SNX10: variants seen among roughly 807,000 people sequenced by gnomAD.
SNX10 encodes sorting nexin-10.
A neutral mutation model predicts 28.5 loss-of-function variants in SNX10; 25 were observed. The ratio of observed to expected loss-of-function variants is 0.88; its 90% CI spans 0.64 to 1.22. SNX10 has a LOEUF of 1.22. Among genes scored for constraint, SNX10 ranks in the 50% most tolerant of loss-of-function variants. The pLI, the probability that SNX10 is intolerant of heterozygous loss-of-function variation, is 0.00. For synonymous variants in SNX10, 62 were observed against 81.4 expected (o/e 0.76, Z 1.28); for missense variants, 223 against 242.6 (o/e 0.92, Z 0.54).
chr7:26,322,220 A>G (rs1364490762), intron 1 of SNX10, among the ~76,000 whole-genome samples: 1 of 152,182 alleles, frequency 6.6e-6, no homozygotes, highest in African/African-American at 2.4e-5. Context: ...GCTGAGTGGT[A>G]CCCAGATTTG....
chr7:26,363,235 C>T (rs1789155383), intron 3 of SNX10, among the ~76,000 whole-genome samples: 1 of 152,160 alleles, frequency 6.6e-6, no homozygotes, highest in Non-Finnish European at 1.5e-5. Flanking sequence ...GGATTTAGAC[C>T]AGTGGCTACC....
intron 1 of SNX10, among the ~76,000 whole-genome samples, chr7:26,338,311 A>G (rs1469920303): frequency 6.6e-6 from 1 of 151,926 alleles, no homozygotes; most frequent in African/African-American, 2.4e-5. Flanking sequence ...GAGGTGGGAT[A>G]GTAACTTCCC....
intron 1 of SNX10, among the ~76,000 whole-genome samples, chr7:26,294,502 C>T (rs748116704): frequency 2.6e-5 from 4 of 152,144 alleles, no homozygotes; most frequent in Non-Finnish European, 4.4e-5. Context: ...GTGACATTAT[C>T]GAGCACTTAA....
At chr7:26,359,061 C>T (rs1788961130) in intron 2 of SNX10, among the ~76,000 whole-genome samples, 1 of 152,088 alleles carries the variant, frequency 6.6e-6, no homozygotes, top group Non-Finnish European at 1.5e-5. Flanking sequence ...CCGCCTCAGC[C>T]TCCCAAAGTG....
chr7:26,302,452 T>C (rs1786408223), intron 1 of SNX10, among the ~76,000 whole-genome samples: 1 of 146,686 alleles, frequency 6.8e-6, no homozygotes, highest in Non-Finnish European at 1.5e-5. Context: ...ACCTCAGCAC[T>C]GTGTTTCCAT....
intron 1 of SNX10, among the ~76,000 whole-genome samples, chr7:26,315,183 A>G (rs1326713462): frequency 2.0e-5 from 3 of 152,372 alleles, no homozygotes; most frequent in Admixed American, 6.5e-5. Flanking sequence ...TTGGGTGCAC[A>G]GAAAACCCTA....
intron 1 of SNX10, among the ~76,000 whole-genome samples, chr7:26,309,222 C>T (rs1227189993): frequency 6.6e-6 from 1 of 152,148 alleles, no homozygotes; most frequent in African/African-American, 2.4e-5. Flanking sequence ...TCCATGAAGC[C>T]TCCCCCTCCA....
intron 5 of SNX10, 22 bp downstream of exon 5, chr7:26,365,167 T>A (rs1425753217): frequency 4.8e-6 from 7 of 1,451,120 alleles, no homozygotes; most frequent in Non-Finnish European, 6.8e-6. Flanking sequence ...GAAACTTTTG[T>A]GGCCAGACAA....
chr7:26,355,183 C>T, intron 2 of SNX10, among the ~76,000 whole-genome samples: 1 of 150,780 alleles, frequency 6.6e-6, no homozygotes. Context: ...TGTTCTCTTT[C>T]ACTGATCTTC....
intron 1 of SNX10, among the ~76,000 whole-genome samples, chr7:26,329,235 A>G (rs1787630462): frequency 1.3e-5 from 2 of 152,022 alleles, no homozygotes; most frequent in Admixed American, 6.5e-5. Flanking sequence ...ACTCCAGCAC[A>G]CTGGTTTCCT....
intron 1 of SNX10, among the ~76,000 whole-genome samples, chr7:26,322,454 A>G (rs1787347254): frequency 6.6e-6 from 1 of 152,238 alleles, no homozygotes; most frequent in Non-Finnish European, 1.5e-5. Context: ...TTCTAGCTAC[A>G]TAAAAAGTCC....
chr7:26,320,579 C>T (rs1260022711), intron 1 of SNX10, among the ~76,000 whole-genome samples: 2 of 151,932 alleles, frequency 1.3e-5, no homozygotes, highest in East Asian at 1.9e-4. Flanking sequence ...ACTACAGGCG[C>T]CCGCCACCAC....
intron 1 of SNX10, among the ~76,000 whole-genome samples, chr7:26,302,304 C>T (rs1332964396): frequency 2.0e-5 from 3 of 152,170 alleles, no homozygotes; most frequent in Non-Finnish European, 4.4e-5. Context: ...CAGAATCTTA[C>T]ACAGCTCTCA....
intron 2 of SNX10, among the ~76,000 whole-genome samples, chr7:26,358,805 G>GGTTTTTTTTT (rs1554360945): frequency 1.2e-4 from 12 of 100,110 alleles, no homozygotes; most frequent in Non-Finnish European, 1.7e-4. Context: ...GTTATCTTGT[G>GGTTTTTTTTT]TTTTTTTTTT....
At position 26,352,988 on chromosome 7, in the gene SNX10, G is replaced by T. The variant is rs555945502; in HGVS notation, c.24+6522G>T. Among the ~76,000 whole-genome samples the T allele has an allele frequency of 3.3e-5, 5 of 149,598 alleles. No homozygotes were observed. The East Asian group carries it at 7.8e-4, about 23-fold the overall frequency. ...ATTATTTCTTACTGCAGAAGAGGAG[G>T]TTTTTTTTTTCTGCACTTTTCCTGA... On this transcript the variant is annotated intron_variant, in intron 2 of 6. Transcript: ENST00000338523.
At chr7:26,293,652 C>T (rs1265752643) in intron 1 of SNX10, among the ~76,000 whole-genome samples, 1 of 152,138 alleles carries the variant, frequency 6.6e-6, no homozygotes, top group East Asian at 1.9e-4. Context: ...ACTGGTCGTC[C>T]TGTTTCTTCT....
chr7:26,342,005 TTTCC>T, intron 1 of SNX10, among the ~76,000 whole-genome samples: 1 of 145,910 alleles, frequency 6.9e-6, no homozygotes, highest in Non-Finnish European at 1.5e-5. Flanking sequence ...TCTTTCTTTC[TTTCC>T]TTCTTTCCTT....
chr7:26,316,844 A>G (rs1045791347), intron 1 of SNX10, among the ~76,000 whole-genome samples: 1 of 152,122 alleles, frequency 6.6e-6, no homozygotes, highest in Non-Finnish European at 1.5e-5. Context: ...CCATTTATTC[A>G]TGCTGTCTGT....
At chr7:26,306,071 A>ATTT (rs35809560) in intron 1 of SNX10, among the ~76,000 whole-genome samples, 22 of 142,240 alleles carry the variant, frequency 1.5e-4, no homozygotes, top group Non-Finnish European at 2.6e-4. Flanking sequence ...AATTTTTTGT[A>ATTT]TTTTTTTTTT....
Sources: allele counts gnomAD v4.1 joint callset (sites outside exome capture counted in the v4.1 genomes callset), GRCh38; gene constraint gnomAD v4.1.1; transcripts MANE v1.5; gene names NCBI Gene and HGNC (gene_info 2026-07-23, HGNC 2026-07-21).